Variants in TBC1D5 observed in about 807,000 individuals in gnomAD.
TBC1D5 encodes TBC1 domain family member 5.
A neutral mutation model predicts 100.3 loss-of-function variants in TBC1D5; 75 were observed. The ratio of observed to expected loss-of-function variants is 0.75; its 90% CI spans 0.62 to 0.91. The LOEUF is 0.91. Among genes scored for constraint, TBC1D5 ranks in the 40% least tolerant of loss-of-function variants. The probability of loss-of-function intolerance (pLI) is 0.00; values close to 1 mark genes in which losing one functional copy is unlikely to be tolerated. For synonymous variants in TBC1D5, 323 were observed against 325.6 expected (o/e 0.99, Z 0.09); for missense variants, 910 against 942.4 (o/e 0.97, Z 0.45).
At chr3:17,549,063 G>A (rs1253954639) in intron 2 of TBC1D5, among the ~76,000 whole-genome samples, 9 of 151,696 alleles carry the variant, frequency 5.9e-5, no homozygotes, top group East Asian at 5.8e-4. Context: ...TTTGGGAGGC[G>A]GAGGCAGGTG....
chr3:17,560,917 T>C (rs1007523179), intron 2 of TBC1D5, among the ~76,000 whole-genome samples: 94 of 147,524 alleles, frequency 6.4e-4, no homozygotes, highest in African/African-American at 2.3e-3. Flanking sequence ...CAAGACTCCA[T>C]CTCAAAAAAA....
chr3:17,465,574 A>T (rs550668205), intron 3 of TBC1D5: 4 of 152,294 alleles, frequency 2.6e-5, no homozygotes, highest in Non-Finnish European at 5.9e-5. Context: ...TAAAAAAATA[A>T]GAAATCACAC....
At chr3:17,553,696 C>T (rs746615130) in intron 2 of TBC1D5, among the ~76,000 whole-genome samples, 2 of 152,142 alleles carry the variant, frequency 1.3e-5, no homozygotes, top group Non-Finnish European at 2.9e-5. Context: ...GAAATAGTAA[C>T]TTATTTGTTT....
intron 2 of TBC1D5, among the ~76,000 whole-genome samples, chr3:17,563,814 C>T (rs569139724): frequency 6.6e-6 from 1 of 151,718 alleles, no homozygotes; most frequent in Admixed American, 6.6e-5. Context: ...ACGGAGTCTC[C>T]CTCTGTTGCC....
At chr3:17,703,800 CATT>C (rs1261878609) in intron 1 of TBC1D5, among the ~76,000 whole-genome samples, 1 of 152,006 alleles carries the variant, frequency 6.6e-6, no homozygotes, top group Non-Finnish European at 1.5e-5. Context: ...TTTTCTGCCA[CATT>C]AAGTATATGA....
chr3:17,633,397 C>T (rs1285522837), intron 1 of TBC1D5, among the ~76,000 whole-genome samples: 1 of 152,168 alleles, frequency 6.6e-6, no homozygotes, highest in Non-Finnish European at 1.5e-5. Context: ...GATCACACCA[C>T]TGCACTACAG....
intron 10 of TBC1D5, among the ~76,000 whole-genome samples, chr3:17,376,091 T>C (rs1460013152): frequency 6.6e-6 from 1 of 152,192 alleles, no homozygotes; most frequent in Non-Finnish European, 1.5e-5. Context: ...ATTTACAGAC[T>C]GAGGTTCTTT....
intron 3 of TBC1D5, among the ~76,000 whole-genome samples, chr3:17,441,155 T>C (rs1421201263): frequency 6.6e-6 from 1 of 152,254 alleles, no homozygotes; most frequent in Non-Finnish European, 1.5e-5. Context: ...GGACTGTTGC[T>C]ATTTAAATCT....
At chr3:17,382,863 A>G (rs1457423000) in intron 9 of TBC1D5, among the ~76,000 whole-genome samples, 1 of 151,938 alleles carries the variant, frequency 6.6e-6, no homozygotes, top group Non-Finnish European at 1.5e-5. Flanking sequence ...CACCTGGCCT[A>G]TAGTTTCCTT....
intron 13 of TBC1D5, among the ~76,000 whole-genome samples, chr3:17,370,593 A>C (rs2092402117): frequency 6.6e-6 from 1 of 152,196 alleles, no homozygotes; most frequent in South Asian, 2.1e-4. Context: ...TGATGAGGTT[A>C]AGCTAAAGTA....
At chr3:17,598,154 G>A (rs1251075692) in intron 2 of TBC1D5, among the ~76,000 whole-genome samples, 3 of 152,060 alleles carry the variant, frequency 2.0e-5, no homozygotes, top group Non-Finnish European at 4.4e-5. Flanking sequence ...AGGAACTACG[G>A]TTTCCCTAAA....
At chr3:17,485,710 A>G (rs995318873) in intron 3 of TBC1D5, among the ~76,000 whole-genome samples, 16 of 152,104 alleles carry the variant, frequency 1.1e-4, no homozygotes, top group African/African-American at 2.9e-4. Flanking sequence ...CATGATGTAT[A>G]TGTGCCACAT....
At chr3:17,514,131 A>G (rs994057591) in intron 2 of TBC1D5, among the ~76,000 whole-genome samples, 1 of 152,200 alleles carries the variant, frequency 6.6e-6, no homozygotes, top group Non-Finnish European at 1.5e-5. Flanking sequence ...AGAGGGTTAC[A>G]TTGGACTTTA....
At chr3:17,204,916 T>C (rs929300171) in intron 18 of TBC1D5, among the ~76,000 whole-genome samples, 5 of 152,172 alleles carry the variant, frequency 3.3e-5, no homozygotes, top group African/African-American at 9.7e-5. Context: ...TGCAAAAAGA[T>C]GGAGAAAGAA....
intron 2 of TBC1D5, among the ~76,000 whole-genome samples, chr3:17,555,071 G>A (rs901748737): frequency 1.3e-5 from 2 of 151,676 alleles, no homozygotes; most frequent in Admixed American, 6.6e-5. Context: ...GGATGGTCTC[G>A]ATCTCCTGAC....
intron 13 of TBC1D5, among the ~76,000 whole-genome samples, chr3:17,361,810 T>C (rs1287078124): frequency 6.6e-6 from 1 of 151,994 alleles, no homozygotes; most frequent in Non-Finnish European, 1.5e-5. Context: ...GTCAATAATC[T>C]GACCTCCTAC....
At chr3:17,247,468 A>T (rs1422932571) in intron 16 of TBC1D5, among the ~76,000 whole-genome samples, 2 of 152,242 alleles carry the variant, frequency 1.3e-5, no homozygotes, top group African/African-American at 4.8e-5. Flanking sequence ...TATTGCCAAA[A>T]GATGCTAATG....
chr3:17,726,876 C>T (rs1415209495), intron 1 of TBC1D5, among the ~76,000 whole-genome samples: 2 of 152,086 alleles, frequency 1.3e-5, no homozygotes, highest in Admixed American at 6.6e-5. Flanking sequence ...TGTGGAACTA[C>T]GTAACACTGA....
At chr3:17,307,669 T>C (rs2083532133) in intron 14 of TBC1D5, among the ~76,000 whole-genome samples, 1 of 152,176 alleles carries the variant, frequency 6.6e-6, no homozygotes, top group Non-Finnish European at 1.5e-5. Context: ...TCTAAACATA[T>C]CTCAAATACT....
Sources: allele counts gnomAD v4.1 joint callset (sites outside exome capture counted in the v4.1 genomes callset), GRCh38; gene constraint gnomAD v4.1.1; transcripts MANE v1.5; gene names NCBI Gene and HGNC (gene_info 2026-07-23, HGNC 2026-07-21).